Variants in DACH1 observed in about 807,000 individuals in gnomAD.
DACH1 encodes dachshund family transcription factor 1, also known as dachshund homolog 1.
A neutral mutation model predicts 54.2 loss-of-function variants in DACH1; 12 were observed. The observed-to-expected ratio is 0.22, with a 90% CI of 0.14 to 0.36. DACH1 has a LOEUF of 0.36. Among genes scored for constraint, DACH1 ranks in the 10% least tolerant of loss-of-function variants. DACH1 has a pLI of 1.00. For synonymous variants in DACH1, 386 were observed against 366.2 expected, an observed-to-expected ratio of 1.05 and a Z score of -0.62; for missense variants, 805 against 929.8, an observed-to-expected ratio of 0.87 and a Z score of 1.75.
chr13:71,569,632 A>G (rs572778204), intron 4 of DACH1, among the ~76,000 whole-genome samples: 1 of 152,208 alleles, frequency 6.6e-6, no homozygotes, highest in Non-Finnish European at 1.5e-5. Context: ...AAACTTTTGG[A>G]GCTCCTTTAC....
chr13:71,773,641 G>T (rs981561761), intron 1 of DACH1, among the ~76,000 whole-genome samples: 1 of 151,792 alleles, frequency 6.6e-6, no homozygotes, highest in East Asian at 1.9e-4. Context: ...AAAATATGTC[G>T]CACTATATGT....
intron 2 of DACH1, among the ~76,000 whole-genome samples, chr13:71,645,026 G>A (rs369336682): frequency 1.1e-4 from 17 of 152,088 alleles, no homozygotes; most frequent in East Asian, 9.6e-4. Flanking sequence ...ATACAAACAC[G>A]GTGTTTCGAA....
At chr13:71,741,230 A>G (rs1029022995) in intron 1 of DACH1, among the ~76,000 whole-genome samples, 2 of 152,196 alleles carry the variant, frequency 1.3e-5, no homozygotes, top group Non-Finnish European at 2.9e-5. Context: ...TCCATTGCAA[A>G]GTACCAAGCA....
At chr13:71,552,830 T>G (rs1455681440) in intron 6 of DACH1, among the ~76,000 whole-genome samples, 65 of 42,786 alleles carry the variant, frequency 1.5e-3, no homozygotes, top group Non-Finnish European at 1.8e-3. Context: ...TATATATATA[T>G]ATATATATAT....
intron 2 of DACH1, among the ~76,000 whole-genome samples, chr13:71,660,659 T>C (rs540691342): frequency 6.6e-6 from 1 of 152,114 alleles, no homozygotes; most frequent in East Asian, 1.9e-4. Flanking sequence ...GGAGATGATA[T>C]AGTATATGGA....
chr13:71,475,913 C>T (rs1169570848), intron 8 of DACH1, 64 bp from the exon 9 acceptor site: 80 of 1,194,250 alleles, frequency 6.7e-5, no homozygotes, highest in Non-Finnish European at 8.6e-5. Flanking sequence ...TGCTAATTTC[C>T]AAATGGTCTA....
At chr13:71,770,680 T>G (rs1219583230) in intron 1 of DACH1, among the ~76,000 whole-genome samples, 1 of 151,602 alleles carries the variant, frequency 6.6e-6, no homozygotes, top group Non-Finnish European at 1.5e-5. Flanking sequence ...TCTCAGAACG[T>G]CCCCCTAAAG....
intron 1 of DACH1, among the ~76,000 whole-genome samples, chr13:71,850,542 G>A (rs184273521): frequency 2.6e-5 from 4 of 152,120 alleles, no homozygotes; most frequent in East Asian, 3.9e-4. Context: ...GCCCACCTCC[G>A]ACGTGCAAGT....
At chr13:71,793,764 C>T (rs303946) in intron 1 of DACH1, among the ~76,000 whole-genome samples, 3,174 of 152,204 alleles carry the variant, frequency 0.021, 42 homozygotes, top group Middle Eastern at 0.061. Context: ...TGGGTTTAAG[C>T]GATCCTCCCA....
At chr13:71,797,898 C>G (rs1339360488) in intron 1 of DACH1, among the ~76,000 whole-genome samples, 1 of 152,134 alleles carries the variant, frequency 6.6e-6, no homozygotes, top group Non-Finnish European at 1.5e-5. Context: ...ATATAAGGAT[C>G]TGTTGCCAAA....
chr13:71,725,026 A>G (rs1883406312), intron 1 of DACH1, among the ~76,000 whole-genome samples: 1 of 152,140 alleles, frequency 6.6e-6, no homozygotes, highest in Non-Finnish European at 1.5e-5. Context: ...TTGGCAAAAA[A>G]CGGACTTTAC....
intron 2 of DACH1, among the ~76,000 whole-genome samples, chr13:71,636,054 G>T (rs1337287649): frequency 6.6e-6 from 1 of 152,082 alleles, no homozygotes; most frequent in African/African-American, 2.4e-5. Flanking sequence ...AAAGTGCAGG[G>T]ATTACAGGCA....
At chr13:71,701,101 C>T (rs1022093904) in intron 1 of DACH1, among the ~76,000 whole-genome samples, 2 of 152,128 alleles carry the variant, frequency 1.3e-5, no homozygotes, top group Non-Finnish European at 2.9e-5. Flanking sequence ...TGCATGCATA[C>T]ATCAGAAATA....
At chr13:71,749,888 C>T (rs1415303940) in intron 1 of DACH1, among the ~76,000 whole-genome samples, 2 of 152,106 alleles carry the variant, frequency 1.3e-5, no homozygotes, top group Non-Finnish European at 2.9e-5. Context: ...AAGCGGAGAG[C>T]TGAGGATCCG....
At chr13:71,785,695 G>T (rs1886563196) in intron 1 of DACH1, among the ~76,000 whole-genome samples, 1 of 152,150 alleles carries the variant, frequency 6.6e-6, no homozygotes. Flanking sequence ...ACTAATGGGA[G>T]CATATGGTCA....
intron 1 of DACH1, among the ~76,000 whole-genome samples, chr13:71,794,182 A>G (rs303945): frequency 0.033 from 4,952 of 152,256 alleles, 144 homozygotes; most frequent in African/African-American, 0.08. Context: ...CAACTTAGAG[A>G]TGAGAAACTG....
intron 2 of DACH1, among the ~76,000 whole-genome samples, chr13:71,673,577 T>G (rs1880341621): frequency 6.9e-6 from 1 of 143,926 alleles, no homozygotes; most frequent in African/African-American, 2.6e-5. Flanking sequence ...GGACACGGGG[T>G]GGGTGGGGGA....
intron 6 of DACH1, among the ~76,000 whole-genome samples, chr13:71,505,994 T>C (rs966269129): frequency 6.6e-6 from 1 of 152,112 alleles, no homozygotes; most frequent in Non-Finnish European, 1.5e-5. Context: ...TGTTCCTTCA[T>C]CCTCTTGATA....
At chr13:71,738,731 CAAAAAAAAAAAAAAAAAA>C (rs34856567) in intron 1 of DACH1, among the ~76,000 whole-genome samples, 2 of 24,064 alleles carry the variant, frequency 8.3e-5, no homozygotes, top group Admixed American at 9.9e-4. Flanking sequence ...GACTCTGTCT[CAAAAAAAAAAAAAAAAAA>C]AAAAAAAAAA....
Sources: allele counts gnomAD v4.1 joint callset (sites outside exome capture counted in the v4.1 genomes callset), GRCh38; gene constraint gnomAD v4.1.1; transcripts MANE v1.5; gene names NCBI Gene and HGNC (gene_info 2026-07-23, HGNC 2026-07-21).